Variants in COL4A1 observed in about 807,000 individuals in gnomAD.
COL4A1 encodes collagen type IV alpha 1 chain, also known as collagen alpha-1(IV) chain.
In COL4A1, 40 loss-of-function variants were observed where a neutral mutation model predicts 216.6. The observed-to-expected ratio is 0.18, with a 90% CI of 0.14 to 0.24. The LOEUF (loss-of-function observed/expected upper bound fraction) is 0.24. Among genes scored for constraint, COL4A1 ranks in the 10% least tolerant of loss-of-function variants. The pLI, the probability that COL4A1 is intolerant of heterozygous loss-of-function variation, is 1.00. For synonymous variants in COL4A1, 839 were observed against 810.7 expected, an observed-to-expected ratio of 1.03 and a Z score of -0.59; for missense variants, 1,628 against 2,196.8, an observed-to-expected ratio of 0.74 and a Z score of 5.18.
chr13:110,178,193 A>C lies in COL4A1; in HGVS notation c.2497T>G (p.Phe833Val), dbSNP rs372611739. Reference protein sequence around the residue: ...GIKGEKGFPGFPGLDMPGPKG... With the variant: ...GIKGEKGFPGVPGLDMPGPKG... ...GGGCCCGGCATGTCCAGTCCAGGGA[A>C]TCCGGGGAAACCCTTCTCTCCTTTT... is the stretch of plus-strand genomic sequence containing the variant. The change falls in exon 32 of 52, where the codon TTC becomes GTC. Residue 833 changes from phenylalanine (F) to valine (V), a missense_variant. This residue lies in a region of COL4A1 where 701 missense variants were observed against 892.5 expected (regional missense o/e 0.79). Transcript: ENST00000375820. 2.5e-6 allele frequency: 4 copies of C among 1,614,162 alleles called. No homozygotes were observed. The East Asian group carries it at 8.9e-5, about 36-fold the overall frequency.
At chr13:110,290,275 G>C (rs919977857) in intron 1 of COL4A1, among the ~76,000 whole-genome samples, 1 of 152,190 alleles carries the variant, frequency 6.6e-6, no homozygotes, top group Non-Finnish European at 1.5e-5. Flanking sequence ...GCTAACAAGC[G>C]CTCGGCAGGC....
chr13:110,172,843 T>C (rs1404690730), intron 40 of COL4A1, 73 bp from the exon 41 acceptor site: 1 of 1,214,550 alleles, frequency 8.2e-7, no homozygotes, highest in Non-Finnish European at 1.2e-6. Flanking sequence ...CACAAAGCAC[T>C]ATCAACTCTG....
Position 110,206,701 on chromosome 13 carries a change from G to A in COL4A1, c.822C>T (p.Val274=), listed in dbSNP as rs748356460. The change falls in exon 15 of 52, where the codon GTC becomes GTT. Residue 274 remains valine (V), a synonymous_variant. Transcript: ENST00000375820. ...GEPGFQGMPG[V]GEKGEPGKPG... ...GTTTTCCGGGTTCACCTTTCTCTCCGACCCCTGGCATCCCCTTAAAGGAAT... is the reference window on the plus strand; with the variant it reads ...GTTTTCCGGGTTCACCTTTCTCTCCAACCCCTGGCATCCCCTTAAAGGAAT... The A allele has an allele frequency of 2.1e-5, 34 of 1,613,932 alleles. No homozygotes were observed. Among genetic ancestry groups the A allele is most frequent in the Middle Eastern group, 1.6e-4 (1 of 6,084 alleles).
chr13:110,231,745 A>C (rs915822531), intron 2 of COL4A1, among the ~76,000 whole-genome samples: 1 of 152,188 alleles, frequency 6.6e-6, no homozygotes, highest in Non-Finnish European at 1.5e-5. Context: ...TACTGGCTCT[A>C]CTATAGACAG....
At chr13:110,167,323 C>T in intron 43 of COL4A1, 93 bp from the exon 44 acceptor site, 2 of 951,440 alleles carry the variant, frequency 2.1e-6, no homozygotes, top group Non-Finnish European at 3.5e-6. Flanking sequence ...AACAGCCCCT[C>T]AATGTTCTGG....
At chr13:110,219,123 G>A (rs1258521778) in intron 2 of COL4A1, among the ~76,000 whole-genome samples, 3 of 152,170 alleles carry the variant, frequency 2.0e-5, no homozygotes, top group South Asian at 2.1e-4. Context: ...AGGCCCCGCC[G>A]GGAGCTCCCT....
In COL4A1 at chr13:110,176,603, G is replaced by A. The variant is rs777241205; in HGVS notation, c.2968+23C>T. ...CTCATCCTGAGCCCTTGCCACACTGGGGACCGGAGCTCCACACTGTACCTG... is the reference window on the plus strand; with the variant it reads ...CTCATCCTGAGCCCTTGCCACACTGAGGACCGGAGCTCCACACTGTACCTG... On this transcript the variant is annotated intron_variant, in intron 35 of 51. Coordinates refer to ENST00000375820, the MANE Select transcript of COL4A1 (RefSeq NM_001845.6). 4 of 1,606,094 alleles carry A rather than the reference G, an allele frequency of 2.5e-6. No individual in the cohort carries two copies. The African/African-American group carries it at 5.4e-5, about 21-fold the overall frequency.
chr13:110,223,156 G>C (rs867229416), intron 2 of COL4A1, among the ~76,000 whole-genome samples: 57 of 152,072 alleles, frequency 3.7e-4, no homozygotes, highest in African/African-American at 1.3e-3. Context: ...TTTTAAAATA[G>C]CTGTATGGAA....
intron 17 of COL4A1, among the ~76,000 whole-genome samples, chr13:110,204,226 C>A (rs1879383949): frequency 6.6e-6 from 1 of 152,096 alleles, no homozygotes; most frequent in Admixed American, 6.5e-5. Context: ...TTTAAACAGT[C>A]CAAAGATATG....
At chr13:110,297,815 C>A (rs1884334268) in intron 1 of COL4A1, among the ~76,000 whole-genome samples, 1 of 152,144 alleles carries the variant, frequency 6.6e-6, no homozygotes, top group African/African-American at 2.4e-5. Context: ...TGAACACACA[C>A]TTACTGAACA....
At chr13:110,269,705 G>A (rs1883175386) in intron 1 of COL4A1, among the ~76,000 whole-genome samples, 2 of 152,068 alleles carry the variant, frequency 1.3e-5, no homozygotes, top group African/African-American at 4.8e-5. Flanking sequence ...CGGCAGGGTA[G>A]GTGCCAGCTG....
intron 19 of COL4A1, 195 bp downstream of exon 19, chr13:110,201,243 G>A (rs1331449645): frequency 1.1e-5 from 6 of 555,676 alleles, no homozygotes; most frequent in Non-Finnish European, 1.3e-5. Flanking sequence ...GAGAGAGAAG[G>A]AGGAGGAGGA....
intron 1 of COL4A1, among the ~76,000 whole-genome samples, chr13:110,299,689 C>A (rs1005268022): frequency 8.5e-5 from 13 of 152,190 alleles, no homozygotes; most frequent in Non-Finnish European, 1.3e-4. Flanking sequence ...ACGTTGCCAT[C>A]GCCTTTCCAA....
chr13:110,257,961 G>T (rs1162401907), intron 1 of COL4A1, among the ~76,000 whole-genome samples: 1 of 152,134 alleles, frequency 6.6e-6, no homozygotes, highest in East Asian at 1.9e-4. Flanking sequence ...TTCATTCCAT[G>T]TCCCTGGTCC....
Position 110,169,707 on chromosome 13 carries a change from A to T in COL4A1, c.3798T>A (p.Gly1266=), listed in dbSNP as rs1190766716. The change falls in exon 43 of 52, where the codon GGT becomes GGA. Residue 1266 remains glycine (G), a synonymous_variant. Coordinates refer to ENST00000375820, the MANE Select transcript of COL4A1 (RefSeq NM_001845.6). ...PGLPGIDGVK[G]DKGNPGWPGA... ...CTGGCCAGCCTGGATTTCCTTTGTCACCTTTAACTCCATCAATCCCAGGAA... is the reference window on the plus strand; with the variant it reads ...CTGGCCAGCCTGGATTTCCTTTGTCTCCTTTAACTCCATCAATCCCAGGAA... 1.2e-6 allele frequency: 2 copies of T among 1,613,810 alleles called. No homozygotes were observed. Among genetic ancestry groups the T allele is most frequent in the East Asian group, 2.2e-5 (1 of 44,858 alleles).
intron 2 of COL4A1, among the ~76,000 whole-genome samples, chr13:110,221,282 T>C (rs780821213): frequency 2.2e-4 from 33 of 152,292 alleles, no homozygotes; most frequent in African/African-American, 6.3e-4. Flanking sequence ...AATAAAACCA[T>C]AGATATTTTC....
In COL4A1 at chr13:110,268,890, C is replaced by A. The variant is rs1249005325; in HGVS notation, c.85-26156G>T. On this transcript the variant is annotated intron_variant, in intron 1 of 51. Transcript: ENST00000375820. This position sits in a 1 kb window ranked among gnomAD's most constrained non-coding sequence, Gnocchi z 4.1. ...TGAAGCAGTGAGAAGTGGAAAGGAA[C>A]CCAAGGAGGAGGGAGTGGGAACACC... Among the ~76,000 whole-genome samples the A allele has an allele frequency of 1.3e-5, 2 of 152,130 alleles. No individual in the cohort carries two copies. Among genetic ancestry groups the A allele is most frequent in the Non-Finnish European group, 2.9e-5 (2 of 68,032 alleles).
intron 43 of COL4A1, among the ~76,000 whole-genome samples, chr13:110,167,566 C>T (rs1877403345): frequency 6.6e-6 from 1 of 152,214 alleles, no homozygotes; most frequent in African/African-American, 2.4e-5. Context: ...GCCCCCTCAA[C>T]ACCTGTGACG....
chr13:110,251,202 G>A (rs1421993069), intron 1 of COL4A1, among the ~76,000 whole-genome samples: 1 of 152,232 alleles, frequency 6.6e-6, no homozygotes, highest in Non-Finnish European at 1.5e-5. Context: ...AGCTATTCCC[G>A]GTTTTCATCT....
Sources: gnomAD v4.1 joint callset for allele counts (sites outside exome capture counted in the v4.1 genomes callset) on GRCh38, gnomAD v4.1.1 for gene constraint, gnomAD v4.1.1 regional missense constraint, Gnocchi (gnomAD v3.1) non-coding constraint, MANE v1.5 for transcripts, NCBI Gene and HGNC (gene_info 2026-07-23, HGNC 2026-07-21) for gene names.